Variants in CCDC68 observed in about 807,000 individuals in gnomAD.
The protein encoded by CCDC68 is coiled-coil domain containing 68.
Under a neutral mutation model 47.1 loss-of-function variants are expected in CCDC68, and 45 were observed. That is an observed-to-expected ratio of 0.96 (90% CI 0.75 to 1.23). CCDC68 has a LOEUF of 1.23. CCDC68 is among the 50% of genes most tolerant of loss of function. CCDC68 has a pLI of 0.00. For missense variants in CCDC68, 353 were observed against 373.6 expected (o/e 0.94, Z 0.45); for synonymous variants, 131 against 129.5 (o/e 1.01, Z -0.08).
chr18:54,950,788 G>GTATATATATATATACATATATATATATA (rs2044601082), intron 1 of CCDC68, among the ~76,000 whole-genome samples: 1 of 97,304 alleles, frequency 1.0e-5, no homozygotes, highest in Non-Finnish European at 2.1e-5. Context: ...TATCTTCAGT[G>GTATATATATATATACATATATATATATA]TATATATATA....
chr18:54,906,897 A>G (rs1009421777), intron 11 of CCDC68, among the ~76,000 whole-genome samples: 2 of 152,208 alleles, frequency 1.3e-5, no homozygotes, highest in Non-Finnish European at 2.9e-5. Context: ...ATCATTAGCA[A>G]AGTGAAATAC....
chr18:54,904,672 G>C (rs1225349227), intron 11 of CCDC68, among the ~76,000 whole-genome samples: 1 of 152,168 alleles, frequency 6.6e-6, no homozygotes, highest in Non-Finnish European at 1.5e-5. Context: ...AGGGAAGCCG[G>C]AGAGAGGAAG....
At chr18:54,942,648 T>C (rs202126026) in intron 3 of CCDC68, 27 bp downstream of exon 3, 4 of 1,304,658 alleles carry the variant, frequency 3.1e-6, no homozygotes, top group Non-Finnish European at 4.4e-6. Context: ...AATCATATCA[T>C]ACTAATGATT....
In CCDC68 at chr18:54,914,074, A is replaced by G. The variant is rs554406537; in HGVS notation, c.873+3839T>C. On this transcript the variant is annotated intron_variant, in intron 10 of 11. Coordinates refer to ENST00000591504, the MANE Select transcript of CCDC68 (RefSeq NM_025214.3). ...AAGTATAAGTAAGATGAAATCAGGGACAATCTGTCACATTCATAGCCACAT... is the reference window on the plus strand; with the variant it reads ...AAGTATAAGTAAGATGAAATCAGGGGCAATCTGTCACATTCATAGCCACAT... 1.8e-4 allele frequency among the ~76,000 whole-genome samples: 27 copies of G among 152,298 alleles called. No homozygotes were observed. The South Asian group carries it at 5.6e-3, about 32-fold the overall frequency.
At chr18:54,943,778 C>T (rs769428762) in intron 2 of CCDC68, among the ~76,000 whole-genome samples, 1 of 152,014 alleles carries the variant, frequency 6.6e-6, no homozygotes, top group Admixed American at 6.6e-5. Flanking sequence ...TAGAATAAAG[C>T]CAACAGGTAA....
At chr18:54,946,833 T>G (rs183176075) in intron 1 of CCDC68, among the ~76,000 whole-genome samples, 25 of 72,002 alleles carry the variant, frequency 3.5e-4, no homozygotes, top group Admixed American at 2.4e-3. Context: ...GGAAAATGAG[T>G]TTTTTTTTTT....
intron 4 of CCDC68, 29 bp from the exon 5 acceptor site, chr18:54,938,126 C>T (rs578210939): frequency 1.3e-6 from 2 of 1,591,344 alleles, no homozygotes; most frequent in South Asian, 1.2e-5. Flanking sequence ...AATCATAGAC[C>T]TGACTATCTT....
At chr18:54,933,092 C>CT (rs1045202199) in intron 7 of CCDC68, among the ~76,000 whole-genome samples, 19 of 151,914 alleles carry the variant, frequency 1.3e-4, no homozygotes, top group Non-Finnish European at 1.9e-4. Context: ...ACTGTTCTTT[C>CT]TTTTTTTTGA....
At position 54,904,306 on chromosome 18, in the gene CCDC68, GAATA is replaced by G. The variant is rs903971174; in HGVS notation, c.*48_*51del. 9.9e-6 allele frequency: 14 copies of G among 1,417,268 alleles called. No homozygotes were observed. The African/African-American group carries it at 1.8e-4, about 19-fold the overall frequency. 87.8% of individuals were successfully genotyped at this position (1,417,268 alleles called of 1,614,324 possible). On this transcript the variant is annotated 3_prime_UTR_variant, in exon 12 of 12. Coordinates refer to ENST00000591504, the MANE Select transcript of CCDC68 (RefSeq NM_025214.3). ...CATGAAACTTGGGCTGTGTTTCAGA[GAATA>G]AATAAGACTCACGCAGTCTTTCTAA...
In CCDC68 at chr18:54,943,299, A is replaced by C. The variant is rs367642030; in HGVS notation, c.-12-496T>G. The stretch of plus-strand genomic sequence containing the variant: ...TGCCAACAAGAAGAGGATAGATTAA[A>C]TAAACTATCAACTGCTATGGAGCCA... On this transcript the variant is annotated intron_variant, in intron 2 of 11. Coordinates refer to ENST00000591504, the MANE Select transcript of CCDC68 (RefSeq NM_025214.3). Among the ~76,000 whole-genome samples the C allele has an allele frequency of 3.9e-5, 6 of 152,334 alleles. No individual in the cohort carries two copies. The South Asian group carries it at 8.3e-4, about 21-fold the overall frequency.
At position 54,941,098 on chromosome 18, in the gene CCDC68, C is replaced by A. The variant is rs8087479; in HGVS notation, c.118-15G>T. 1 allele frequency: 1,587,466 copies of A among 1,591,564 alleles called. 791,765 individuals are homozygous for A. The highest frequency in any genetic ancestry group is 1 in the East Asian group (44,646 of 44,648). ...GTAGTTCGAATCTAGAGAAGGAAAACAAAACCATTTGTTTCAAAGGCATTT... is the reference window on the plus strand; with the variant it reads ...GTAGTTCGAATCTAGAGAAGGAAAAAAAAACCATTTGTTTCAAAGGCATTT... On this transcript the variant is annotated splice_polypyrimidine_tract_variant and intron_variant, in intron 3 of 11. Coordinates refer to ENST00000591504, the MANE Select transcript of CCDC68 (RefSeq NM_025214.3).
At chr18:54,937,855 G>A in intron 5 of CCDC68, 102 bp downstream of exon 5, 1 of 946,118 alleles carries the variant, frequency 1.1e-6, no homozygotes, top group Non-Finnish European at 1.6e-6. Flanking sequence ...CTATGGATGT[G>A]TGTGGACATC....
intron 2 of CCDC68, chr18:54,943,095 A>T (rs1599085153): frequency 4.0e-6 from 1 of 247,186 alleles, no homozygotes; most frequent in South Asian, 5.5e-5. Flanking sequence ...AAAATCTCAG[A>T]CTGTAAAAAG....
chr18:54,951,726 TG>T (rs1448098227), intron 1 of CCDC68, among the ~76,000 whole-genome samples: 1 of 152,216 alleles, frequency 6.6e-6, no homozygotes, highest in East Asian at 1.9e-4. Context: ...AGGTCCCAGG[TG>T]TGTCCTTCAG....
rs1377755108 is a variant in CCDC68 at position 54,901,814 on chromosome 18, A to G, written c.*2544T>C. The G allele has an allele frequency of 1.3e-5, 2 of 152,138 alleles. No homozygotes were observed. The highest frequency in any genetic ancestry group is 2.4e-5 in the African/African-American group (1 of 41,434). 9.4% of individuals were successfully genotyped at this position (152,138 alleles called of 1,614,324 possible). A position where few individuals can be genotyped will look rare whatever the true frequency, so the allele number is the denominator to read the frequency against. On this transcript the variant is annotated 3_prime_UTR_variant, in exon 12 of 12. Transcript: ENST00000591504. ...AAACTGAACTAGTGTTTCTTTTCCT[A>G]TATTTCCTGTGAAGTACTATTTTAG...
At chr18:54,908,560 G>A (rs1245501026) in intron 10 of CCDC68, among the ~76,000 whole-genome samples, 1 of 152,102 alleles carries the variant, frequency 6.6e-6, no homozygotes, top group Non-Finnish European at 1.5e-5. Context: ...CCTCATTTAG[G>A]TTACTTAACC....
At position 54,907,853 on chromosome 18, in the gene CCDC68, G is replaced by T. The variant is rs1914106859; in HGVS notation, c.883C>A (p.Leu295Ile). ...VNILEAQNKE[L>I]KTQVALSSET... ...GATGAAAGTGCTACCTGGGTTTTTA[G>T]TTCTTTATTCTAAAATTGAAAAAAA... The change falls in exon 11 of 12, where the codon CTA (leucine) becomes ATA (isoleucine). Residue 295 changes from leucine to isoleucine, a missense_variant. Coordinates refer to ENST00000591504, the MANE Select transcript of CCDC68 (RefSeq NM_025214.3). 1.0e-5 allele frequency: 16 copies of T among 1,596,070 alleles called. No individual in the cohort carries two copies. Among genetic ancestry groups the T allele is most frequent in the Non-Finnish European group, 1.4e-5 (16 of 1,163,864 alleles).
rs776152173 is a variant in CCDC68 at position 54,928,897 on chromosome 18, GA to G, written c.601-16del. On this transcript the variant is annotated splice_polypyrimidine_tract_variant and intron_variant, in intron 7 of 11. Coordinates refer to ENST00000591504, the MANE Select transcript of CCDC68 (RefSeq NM_025214.3). ...GTTCTCTTTTCCTAGGAGAAAATAA[GA>G]TACAAATTTTGCTAAACTGCATGTG... is the stretch of plus-strand genomic sequence containing the variant. 6.5e-7 allele frequency: 1 copy of G among 1,545,566 alleles called. No homozygotes were observed. Among genetic ancestry groups the G allele is most frequent in the Non-Finnish European group, 8.9e-7 (1 of 1,118,594 alleles).
At chr18:54,958,175 T>C (rs1239756865) in intron 1 of CCDC68, 1 of 152,210 alleles carries the variant, frequency 6.6e-6, no homozygotes, top group African/African-American at 2.4e-5. Flanking sequence ...AGAAGTGTAG[T>C]TGTTTTCATT....
Sources: allele counts gnomAD v4.1 joint callset (sites outside exome capture counted in the v4.1 genomes callset), GRCh38; gene constraint gnomAD v4.1.1; transcripts MANE v1.5; gene names NCBI Gene and HGNC (gene_info 2026-07-23, HGNC 2026-07-21).